FOXP2: variants seen among roughly 807,000 people sequenced by gnomAD.
The protein encoded by FOXP2 is forkhead box P2.
A neutral mutation model predicts 115.8 loss-of-function variants in FOXP2; 12 were observed. The ratio of observed to expected loss-of-function variants is 0.10; its 90% CI spans 0.07 to 0.17. The LOEUF (loss-of-function observed/expected upper bound fraction) is 0.17. Ranked by LOEUF, FOXP2 falls within the 10% of genes least tolerant of loss-of-function variation. FOXP2 has a pLI of 1.00. For missense variants in FOXP2, 629 were observed against 843.5 expected, an observed-to-expected ratio of 0.75 and a Z score of 3.15; for synonymous variants, 328 against 297.7, an observed-to-expected ratio of 1.10 and a Z score of -1.05.
intron 2 of FOXP2, among the ~76,000 whole-genome samples, chr7:114,514,710 A>G (rs1798244356): frequency 6.7e-6 from 1 of 149,540 alleles, no homozygotes; most frequent in African/African-American, 2.5e-5. Flanking sequence ...TATTTTTTAT[A>G]TTTTCTTTTT....
intron 16 of FOXP2, among the ~76,000 whole-genome samples, chr7:114,671,878 T>G (rs2129345716): frequency 6.6e-6 from 1 of 152,334 alleles, no homozygotes; most frequent in Non-Finnish European, 1.5e-5. Context: ...TAATGTATGT[T>G]AAAATTATGT....
chr7:114,135,573 TAAG>T (rs1271907851), intron 1 of FOXP2, among the ~76,000 whole-genome samples: 1 of 152,108 alleles, frequency 6.6e-6, no homozygotes, highest in Non-Finnish European at 1.5e-5. Flanking sequence ...AAAAATATGT[TAAG>T]AAAAATTTAT....
At chr7:114,538,520 G>A (rs1448452599) in intron 3 of FOXP2, 3 of 450,972 alleles carry the variant, frequency 6.7e-6, no homozygotes, top group Non-Finnish European at 1.1e-5. Flanking sequence ...TTATAATTCT[G>A]TCTTAAGAAG....
chr7:114,295,743 T>G (rs1174569277), intron 2 of FOXP2, among the ~76,000 whole-genome samples: 1 of 152,222 alleles, frequency 6.6e-6, no homozygotes. Context: ...GCACCTGGTA[T>G]TGTATAAGCA....
At chr7:114,344,905 T>C (rs1311146714) in intron 2 of FOXP2, among the ~76,000 whole-genome samples, 1 of 151,784 alleles carries the variant, frequency 6.6e-6, no homozygotes, top group Non-Finnish European at 1.5e-5. Context: ...GCTCACATGC[T>C]GTGCATTCTT....
At chr7:114,451,639 G>A (rs140135368) in intron 2 of FOXP2, among the ~76,000 whole-genome samples, 13 of 152,108 alleles carry the variant, frequency 8.5e-5, no homozygotes, top group Non-Finnish European at 1.8e-4. Context: ...CCCGCTTTGA[G>A]CTTACAACTC....
In FOXP2 at chr7:114,596,787, C is replaced by T. The variant is rs555826783; in HGVS notation, c.259-31753C>T. Among the ~76,000 whole-genome samples the T allele has an allele frequency of 8.5e-5, 13 of 152,088 alleles. No homozygotes were observed. The South Asian group carries it at 2.7e-3, about 32-fold the overall frequency. On this transcript the variant is annotated intron_variant, in intron 3 of 16. Coordinates refer to ENST00000350908, the MANE Select transcript of FOXP2 (RefSeq NM_014491.4). ...AGAAACTATACATTAGGATGATATT[C>T]TTAGTCTGGTATTTAAGGCAGTACT...
chr7:114,542,413 G>A (rs1799711268), intron 3 of FOXP2, among the ~76,000 whole-genome samples: 1 of 152,080 alleles, frequency 6.6e-6, no homozygotes, highest in African/African-American at 2.4e-5. Context: ...TGCTATTTAA[G>A]TTGGAGTTTC....
At chr7:114,493,531 A>G (rs1248900817) in intron 2 of FOXP2, among the ~76,000 whole-genome samples, 2 of 152,166 alleles carry the variant, frequency 1.3e-5, no homozygotes. Flanking sequence ...GTGCTCCTAA[A>G]TGTGCTCTAA....
At chr7:114,629,025 AAC>A in intron 4 of FOXP2, 1 of 285,358 alleles carries the variant, frequency 3.5e-6, no homozygotes, top group Non-Finnish European at 6.8e-6. Flanking sequence ...TAAAACTCCT[AAC>A]ACCTTAGCAT....
At chr7:114,546,650 T>C (rs192162293) in intron 3 of FOXP2, among the ~76,000 whole-genome samples, 1 of 152,172 alleles carries the variant, frequency 6.6e-6, no homozygotes. Flanking sequence ...CCCTAATCCC[T>C]GGAGTCTTCT....
chr7:114,241,406 G>T (rs1379211951), intron 1 of FOXP2, among the ~76,000 whole-genome samples: 1 of 152,000 alleles, frequency 6.6e-6, no homozygotes, highest in African/African-American at 2.4e-5. Context: ...GAAAGGATTG[G>T]CTATGCTAAT....
At chr7:114,310,886 G>A (rs2129179982) in intron 2 of FOXP2, among the ~76,000 whole-genome samples, 1 of 152,316 alleles carries the variant, frequency 6.6e-6, no homozygotes, top group South Asian at 2.1e-4. Context: ...AGAGGGACAA[G>A]TGGGTGACTT....
rs115504701 is a variant in FOXP2 at position 114,307,699 on chromosome 7, G to A, written c.-11+19590G>A. On this transcript the variant is annotated intron_variant, in intron 2 of 17. Coordinates refer to the FOXP2 transcript ENST00000634411. ...ATAACTCAAAGCCAATTGGGCATCA[G>A]GAGAAATGTGAATTCATTTTAGGCA... 2.7e-3 allele frequency among the ~76,000 whole-genome samples: 418 copies of A among 152,292 alleles called. 2 individuals carry two copies. The highest frequency in any genetic ancestry group is 9.2e-3 in the African/African-American group (383 of 41,570).
At chr7:114,581,659 GTGT>G (rs1390260164) in intron 3 of FOXP2, among the ~76,000 whole-genome samples, 6 of 152,098 alleles carry the variant, frequency 3.9e-5, no homozygotes, top group Non-Finnish European at 7.4e-5. Flanking sequence ...TTCACTCTTG[GTGT>G]TGTACATTCT....
At chr7:114,685,149 G>C (rs1038843019) in intron 16 of FOXP2, among the ~76,000 whole-genome samples, 2 of 152,076 alleles carry the variant, frequency 1.3e-5, no homozygotes, top group Non-Finnish European at 2.9e-5. Flanking sequence ...CCCTCTCCCA[G>C]TGGTGCATGT....
chr7:114,574,114 C>G (rs1389937994), intron 3 of FOXP2, among the ~76,000 whole-genome samples: 1 of 151,680 alleles, frequency 6.6e-6, no homozygotes, highest in African/African-American at 2.4e-5. Context: ...TAATGTGCCT[C>G]TATCAATTCA....
At chr7:114,542,775 G>A (rs1276099991) in intron 3 of FOXP2, among the ~76,000 whole-genome samples, 1 of 146,026 alleles carries the variant, frequency 6.8e-6, no homozygotes, top group Admixed American at 6.8e-5. Context: ...AAATTTTTTT[G>A]TTTTTGTTTT....
chr7:114,531,911 A>G (rs1210532298), intron 2 of FOXP2, among the ~76,000 whole-genome samples: 1 of 151,980 alleles, frequency 6.6e-6, no homozygotes, highest in Admixed American at 6.6e-5. Context: ...ATTACGTAGC[A>G]TTGACATATT....
Sources: gnomAD v4.1 joint callset for allele counts (sites outside exome capture counted in the v4.1 genomes callset) on GRCh38, gnomAD v4.1.1 for gene constraint, MANE v1.5 for transcripts, NCBI Gene and HGNC (gene_info 2026-07-23, HGNC 2026-07-21) for gene names.